Variants in ENOX1 observed in about 807,000 individuals in gnomAD.
The protein encoded by ENOX1 is ecto-NOX disulfide-thiol exchanger 1, also known as candidate growth-related and time keeping constitutive hydroquinone (NADH) oxidase.
ENOX1 carries 42 observed loss-of-function variants against 82.5 expected under a neutral mutation model. That is an observed-to-expected ratio of 0.51 (90% CI 0.40 to 0.66). The LOEUF (loss-of-function observed/expected upper bound fraction) is 0.66. ENOX1 is among the 30% of genes least tolerant of loss of function. The pLI is 0.00. For missense variants in ENOX1, 608 were observed against 811.6 expected (o/e 0.75, Z 3.05); for synonymous variants, 271 against 282.2 (o/e 0.96, Z 0.40).
chr13:43,304,720 G>A (rs994883169), intron 11 of ENOX1, among the ~76,000 whole-genome samples: 10 of 152,126 alleles, frequency 6.6e-5, no homozygotes, highest in African/African-American at 2.2e-4. Flanking sequence ...GAACCACTTA[G>A]GGATCCTACT....
intron 2 of ENOX1, among the ~76,000 whole-genome samples, chr13:43,535,891 T>C (rs1416954086): frequency 1.3e-5 from 2 of 152,216 alleles, no homozygotes; most frequent in Non-Finnish European, 1.5e-5. Context: ...ATACACATTA[T>C]AATTTGTAAC....
At chr13:43,697,073 G>A (rs759741673) in intron 1 of ENOX1, among the ~76,000 whole-genome samples, 27 of 152,104 alleles carry the variant, frequency 1.8e-4, no homozygotes, top group Non-Finnish European at 2.9e-4. Flanking sequence ...ATGACTCTAC[G>A]TTTTTGGCAT....
intron 14 of ENOX1, among the ~76,000 whole-genome samples, chr13:43,240,477 T>G (rs1158783943): frequency 6.6e-6 from 1 of 151,806 alleles, no homozygotes; most frequent in East Asian, 1.9e-4. Flanking sequence ...GAAACTGGAG[T>G]CAGCCTACTG....
At chr13:43,325,452 C>T (rs1232951905) in intron 10 of ENOX1, among the ~76,000 whole-genome samples, 1 of 152,154 alleles carries the variant, frequency 6.6e-6, no homozygotes, top group Non-Finnish European at 1.5e-5. Context: ...TGGTATTCAA[C>T]TGTAATTTAG....
chr13:43,375,236 G>A (rs1026054077), intron 5 of ENOX1, among the ~76,000 whole-genome samples: 2 of 151,786 alleles, frequency 1.3e-5, no homozygotes, highest in East Asian at 1.9e-4. Flanking sequence ...AGGTGAGAGG[G>A]ACAGAGGGAG....
intron 1 of ENOX1, among the ~76,000 whole-genome samples, chr13:43,707,240 T>C (rs371032782): frequency 7.9e-5 from 12 of 151,830 alleles, no homozygotes; most frequent in South Asian, 2.1e-4. Flanking sequence ...CCAAAAAATA[T>C]TGAAGAAAAA....
chr13:43,771,856 C>G (rs1276333524), intron 1 of ENOX1, among the ~76,000 whole-genome samples: 5 of 151,614 alleles, frequency 3.3e-5, no homozygotes, highest in Admixed American at 2.0e-4. Context: ...GCTCCACCTT[C>G]CGGGTTCACG....
chr13:43,630,872 C>CACACACACAT (rs2083180975), intron 2 of ENOX1, among the ~76,000 whole-genome samples: 1 of 151,268 alleles, frequency 6.6e-6, no homozygotes, highest in African/African-American at 2.4e-5. Context: ...CACACACACA[C>CACACACACAT]ACATATATAT....
intron 5 of ENOX1, 104 bp downstream of exon 5, chr13:43,411,812 A>C (rs2054144345): frequency 7.0e-7 from 1 of 1,438,246 alleles, no homozygotes; most frequent in Admixed American, 2.0e-5. Flanking sequence ...GTCATAAATA[A>C]AAGACTGTGT....
intron 2 of ENOX1, among the ~76,000 whole-genome samples, chr13:43,562,837 A>G (rs1309601555): frequency 6.6e-6 from 1 of 152,154 alleles, no homozygotes; most frequent in Non-Finnish European, 1.5e-5. Flanking sequence ...CAATTCAGCA[A>G]GAGGATATAA....
chr13:43,546,714 T>C (rs1359874587), intron 2 of ENOX1: 1 of 152,244 alleles, frequency 6.6e-6, no homozygotes, highest in Non-Finnish European at 1.5e-5. Flanking sequence ...ACAAATTATT[T>C]ATAAATAAAC....
chr13:43,305,389 C>T (rs144485097), intron 11 of ENOX1, among the ~76,000 whole-genome samples: 467 of 152,310 alleles, frequency 3.1e-3, no homozygotes, highest in Middle Eastern at 6.8e-3. Flanking sequence ...CGAATCTGCA[C>T]ATTAGCTATT....
chr13:43,233,614 T>C (rs186680155), intron 15 of ENOX1, among the ~76,000 whole-genome samples: 37 of 151,546 alleles, frequency 2.4e-4, no homozygotes, highest in African/African-American at 3.9e-4. Context: ...TTTCTGTAGA[T>C]GGAATCCATT....
chr13:43,292,081 C>T (rs1238534590), intron 12 of ENOX1, among the ~76,000 whole-genome samples: 5 of 152,098 alleles, frequency 3.3e-5, no homozygotes, highest in African/African-American at 1.2e-4. Context: ...CATGAAGAAA[C>T]CTGTACATAA....
intron 2 of ENOX1, among the ~76,000 whole-genome samples, chr13:43,607,599 C>A (rs181309457): frequency 6.2e-4 from 94 of 152,254 alleles, no homozygotes; most frequent in Admixed American, 2.9e-3. Flanking sequence ...TACATATCAT[C>A]TGACCAACAA....
At chr13:43,243,595 C>T (rs2042943330) in intron 14 of ENOX1, among the ~76,000 whole-genome samples, 1 of 152,176 alleles carries the variant, frequency 6.6e-6, no homozygotes, top group Non-Finnish European at 1.5e-5. Flanking sequence ...GCAGATTTCA[C>T]ACCTTGACCA....
At chr13:43,504,018 A>G (rs985786462) in intron 2 of ENOX1, among the ~76,000 whole-genome samples, 3 of 151,800 alleles carry the variant, frequency 2.0e-5, no homozygotes, top group Non-Finnish European at 4.4e-5. Context: ...AAAAAATCCA[A>G]TAAAAATGGG....
chr13:43,406,406 A>C (rs1477983769), intron 5 of ENOX1, among the ~76,000 whole-genome samples: 2 of 152,172 alleles, frequency 1.3e-5, no homozygotes, highest in Non-Finnish European at 2.9e-5. Flanking sequence ...ATAGACCCTT[A>C]CAAGTGTGAA....
chr13:43,256,510 A>G (rs2043754618), intron 14 of ENOX1, among the ~76,000 whole-genome samples: 1 of 152,186 alleles, frequency 6.6e-6, no homozygotes, highest in Non-Finnish European at 1.5e-5. Context: ...CTGAACAGAC[A>G]TTTCTTAAAA....
Sources: gnomAD v4.1 joint callset for allele counts (sites outside exome capture counted in the v4.1 genomes callset) on GRCh38, gnomAD v4.1.1 for gene constraint, MANE v1.5 for transcripts, NCBI Gene and HGNC (gene_info 2026-07-23, HGNC 2026-07-21) for gene names.